The following EPC2 variants were observed in gnomAD, a reference collection of about 807,000 sequenced individuals.
The protein encoded by EPC2 is enhancer of polycomb 2, also known as enhancer of polycomb homolog 2.
EPC2 carries 14 observed loss-of-function variants against 92.1 expected under a neutral mutation model. That is an observed-to-expected ratio of 0.15 (90% CI 0.10 to 0.24). The LOEUF (loss-of-function observed/expected upper bound fraction) is 0.24. Ranked by LOEUF, EPC2 falls within the 10% of genes least tolerant of loss-of-function variation. The pLI, the probability that EPC2 is intolerant of heterozygous loss-of-function variation, is 1.00. For missense variants in EPC2, 755 were observed against 971.5 expected, an observed-to-expected ratio of 0.78 and a Z score of 2.96; for synonymous variants, 340 against 334.7, an observed-to-expected ratio of 1.02 and a Z score of -0.17.
intron 2 of EPC2, among the ~76,000 whole-genome samples, chr2:148,735,616 C>G (rs1015950816): frequency 6.6e-6 from 1 of 151,740 alleles, no homozygotes; most frequent in Non-Finnish European, 1.5e-5. Context: ...ATACTTATAC[C>G]TTTTCTTCCA....
intron 1 of EPC2, among the ~76,000 whole-genome samples, chr2:148,662,296 A>G (rs1410814590): frequency 6.6e-6 from 1 of 152,166 alleles, no homozygotes; most frequent in African/African-American, 2.4e-5. Context: ...ATACCATTTG[A>G]CCCAGCCATC....
At chr2:148,691,754 T>G in intron 2 of EPC2, 6 of 886,270 alleles carry the variant, frequency 6.8e-6, no homozygotes, top group Non-Finnish European at 1.1e-5. Context: ...TCAGGAAGAT[T>G]TTTTGCTTCT....
chr2:148,746,937 ATTC>A (rs1343168958), intron 3 of EPC2, among the ~76,000 whole-genome samples: 1 of 152,110 alleles, frequency 6.6e-6, no homozygotes, highest in Non-Finnish European at 1.5e-5. Context: ...GAAATGTTTT[ATTC>A]TTGTAAGTTT....
At chr2:148,648,664 A>G (rs1402603701) in intron 1 of EPC2, among the ~76,000 whole-genome samples, 1 of 152,072 alleles carries the variant, frequency 6.6e-6, no homozygotes, top group Non-Finnish European at 1.5e-5. Context: ...CCCACCCTTA[A>G]AATTAAGGCC....
intron 1 of EPC2, among the ~76,000 whole-genome samples, chr2:148,649,170 T>C (rs1452475063): frequency 2.0e-5 from 3 of 152,256 alleles, no homozygotes; most frequent in African/African-American, 4.8e-5. Context: ...ACATATATTA[T>C]TTCATTTAAT....
intron 1 of EPC2, among the ~76,000 whole-genome samples, chr2:148,678,253 G>A (rs1681312577): frequency 6.6e-6 from 1 of 152,218 alleles, no homozygotes; most frequent in Non-Finnish European, 1.5e-5. Context: ...TAGATACAGA[G>A]TGCCGATTGG....
chr2:148,688,774 A>G (rs1354245028), intron 1 of EPC2, among the ~76,000 whole-genome samples: 3 of 152,216 alleles, frequency 2.0e-5, no homozygotes, highest in Admixed American at 1.3e-4. Context: ...TATGTTAAGC[A>G]GCTTCTATAT....
intron 2 of EPC2, among the ~76,000 whole-genome samples, chr2:148,739,830 CTTCTTTT>C (rs1477296496): frequency 4.4e-4 from 43 of 96,704 alleles, no homozygotes; most frequent in Non-Finnish European, 6.1e-4. Context: ...TTTTCTTCTT[CTTCTTTT>C]TTTTTTTTTT....
At chr2:148,746,067 C>A (rs758947329) in intron 3 of EPC2, among the ~76,000 whole-genome samples, 1 of 151,832 alleles carries the variant, frequency 6.6e-6, no homozygotes, top group African/African-American at 2.4e-5. Flanking sequence ...CATGACCATT[C>A]CTTCTTTCTT....
intron 2 of EPC2, among the ~76,000 whole-genome samples, chr2:148,694,747 G>C (rs2105373716): frequency 6.6e-6 from 1 of 152,206 alleles, no homozygotes; most frequent in South Asian, 2.1e-4. Flanking sequence ...AGAACACGAA[G>C]GAACTTAACA....
At chr2:148,704,514 T>C (rs1681954757) in intron 2 of EPC2, among the ~76,000 whole-genome samples, 1 of 152,212 alleles carries the variant, frequency 6.6e-6, no homozygotes, top group Admixed American at 6.5e-5. Context: ...GGTACTTTTA[T>C]GCTATATGTA....
chr2:148,691,776 A>G (rs1681649532), intron 2 of EPC2: 1 of 747,228 alleles, frequency 1.3e-6, no homozygotes, highest in Non-Finnish European at 2.4e-6. Context: ...CTTTCTACCT[A>G]AGGGCAAGTT....
intron 1 of EPC2, among the ~76,000 whole-genome samples, chr2:148,670,262 A>AC (rs1308451241): frequency 6.6e-6 from 1 of 151,628 alleles, no homozygotes; most frequent in East Asian, 1.9e-4. Context: ...TTGTCTTAAA[A>AC]CCCATTGTTT....
chr2:148,717,690 T>C (rs1682287005), intron 2 of EPC2, among the ~76,000 whole-genome samples: 1 of 152,202 alleles, frequency 6.6e-6, no homozygotes, highest in African/African-American at 2.4e-5. Flanking sequence ...CTCAAGTAAG[T>C]GCCGTGCAGT....
At position 148,783,706 on chromosome 2, in the gene EPC2, A is replaced by C; in HGVS notation, c.1967A>C (p.Lys656Thr). 1 of 1,594,218 alleles carries C rather than the reference A, an allele frequency of 6.3e-7. No individual in the cohort carries two copies. Among genetic ancestry groups the C allele is most frequent in the Non-Finnish European group, 8.6e-7 (1 of 1,169,510 alleles). Residue 656 changes from lysine to threonine, a missense_variant, in exon 12 of 14, where the codon AAG becomes ACG. Transcript: ENST00000258484. ...APVPSRSEVA[K>T]EQNTGHNNIN... ...GTTCCAAGTCGCAGTGAGGTAGCCAAGGAACAGAACACTGGCCACAACAAC... is the reference window on the plus strand; with the variant it reads ...GTTCCAAGTCGCAGTGAGGTAGCCACGGAACAGAACACTGGCCACAACAAC...
intron 10 of EPC2, among the ~76,000 whole-genome samples, chr2:148,775,402 A>G (rs1683612287): frequency 6.6e-6 from 1 of 151,962 alleles, no homozygotes; most frequent in African/African-American, 2.4e-5. Context: ...TCTTAAATCC[A>G]GAACTCAAGA....
intron 1 of EPC2, among the ~76,000 whole-genome samples, chr2:148,652,793 C>T (rs1680714489): frequency 6.6e-6 from 1 of 152,116 alleles, no homozygotes; most frequent in South Asian, 2.1e-4. Context: ...TATATTCGTC[C>T]TCTATCTAAT....
chr2:148,735,039 A>G (rs1397860151), intron 2 of EPC2, among the ~76,000 whole-genome samples: 1 of 152,054 alleles, frequency 6.6e-6, no homozygotes, highest in Non-Finnish European at 1.5e-5. Context: ...TATTTTGTAC[A>G]AATATATCTC....
chr2:148,698,494 G>A (rs1195649783), intron 2 of EPC2, among the ~76,000 whole-genome samples: 3 of 151,748 alleles, frequency 2.0e-5, no homozygotes, highest in African/African-American at 4.8e-5. Context: ...AAATTAGCCC[G>A]GTGTGGTGGT....
Sources: gnomAD v4.1 joint callset for allele counts (sites outside exome capture counted in the v4.1 genomes callset) on GRCh38, gnomAD v4.1.1 for gene constraint, MANE v1.5 for transcripts, NCBI Gene and HGNC (gene_info 2026-07-23, HGNC 2026-07-21) for gene names.